Variants in VAMP7 observed in about 807,000 individuals in gnomAD.
The protein encoded by VAMP7 is vesicle-associated membrane protein 7.
Under a neutral mutation model 29.6 loss-of-function variants are expected in VAMP7, and 14 were observed. The ratio of observed to expected loss-of-function variants is 0.47; its 90% CI spans 0.31 to 0.74. The LOEUF (loss-of-function observed/expected upper bound fraction) is 0.74, where lower values mean the gene tolerates loss of function less well. Ranked by LOEUF, VAMP7 falls within the 30% of genes least tolerant of loss-of-function variation. The pLI is 0.05. For missense variants in VAMP7, 223 were observed against 262.4 expected, an observed-to-expected ratio of 0.85 and a Z score of 1.04; for synonymous variants, 95 against 88.1, an observed-to-expected ratio of 1.08 and a Z score of -0.44.
chrX:155,923,361 G>A, intron 6 of VAMP7, among the ~76,000 whole-genome samples: 1 of 150,658 alleles, frequency 6.6e-6, no homozygotes, highest in East Asian at 1.9e-4. Flanking sequence ...TAGTTCAAGT[G>A]TGTAGGTCTA....
chrX:155,885,816 CT>C (rs1401442361), intron 1 of VAMP7, among the ~76,000 whole-genome samples: 2 of 152,152 alleles, frequency 1.3e-5, no homozygotes, highest in Non-Finnish European at 2.9e-5. Flanking sequence ...GAAAGATTCT[CT>C]TCTACAGGTT....
chrX:155,927,899 T>TTTG (rs374422359), intron 6 of VAMP7, among the ~76,000 whole-genome samples: 79 of 151,668 alleles, frequency 5.2e-4, no homozygotes, highest in East Asian at 5.1e-3. Context: ...ACCTTTGGCT[T>TTTG]TTGTTGTTGT....
At chrX:155,913,319 G>A (rs1182737680) in intron 5 of VAMP7, among the ~76,000 whole-genome samples, 1 of 151,992 alleles carries the variant, frequency 6.6e-6, no homozygotes, top group Non-Finnish European at 1.5e-5. Context: ...CCATTCTGTA[G>A]GTTGCCTGTT....
chrX:155,894,152 G>C (rs1407271520), intron 2 of VAMP7, among the ~76,000 whole-genome samples: 1 of 152,020 alleles, frequency 6.6e-6, no homozygotes, highest in Admixed American at 6.6e-5. Flanking sequence ...TATAAATGCT[G>C]CCTCCTATCT....
intron 2 of VAMP7, among the ~76,000 whole-genome samples, chrX:155,889,996 A>G (rs958653003): frequency 6.6e-6 from 1 of 152,098 alleles, no homozygotes; most frequent in African/African-American, 2.4e-5. Flanking sequence ...GGGATATAAC[A>G]AGATATGTGG....
chrX:155,898,925 T>G lies in VAMP7; in HGVS notation c.342+676T>G, dbSNP rs1282610579. Among the ~76,000 whole-genome samples the G allele has an allele frequency of 5.9e-5, 9 of 152,268 alleles. No homozygotes were observed. The South Asian group carries it at 1.0e-3, about 18-fold the overall frequency. On this transcript the variant is annotated intron_variant, in intron 4 of 7. Coordinates refer to ENST00000286448, the MANE Select transcript of VAMP7 (RefSeq NM_005638.6). ...ATGTACTTTTTTGTGTCTTGCTTGT[T>G]TCAGTCAGTGTAAGGCTCTTGATAT...
chrX:155,894,923 C>T (rs185995586), intron 2 of VAMP7, among the ~76,000 whole-genome samples: 31 of 152,206 alleles, frequency 2.0e-4, no homozygotes, highest in African/African-American at 6.5e-4. Context: ...CCTGGCCTTT[C>T]GCTCACTCTT....
chrX:155,936,081 C>CT (rs2066649328), intron 6 of VAMP7, among the ~76,000 whole-genome samples: 1 of 122 alleles, frequency 8.2e-3, no homozygotes, highest in African/African-American at 0.028. Context: ...AGAGGGGTAC[C>CT]CGCCGTGTGA....
chrX:155,942,308 G>C lies in VAMP7; in HGVS notation c.*357G>C. 1 of 776,152 alleles carries C rather than the reference G, an allele frequency of 1.3e-6. No homozygotes were observed. 48.1% of individuals were successfully genotyped at this position (776,152 alleles called of 1,614,324 possible). A position where few individuals can be genotyped will look rare whatever the true frequency, so the allele number is the denominator to read the frequency against. On this transcript the variant is annotated 3_prime_UTR_variant, in exon 8 of 8. Coordinates refer to ENST00000286448, the MANE Select transcript of VAMP7 (RefSeq NM_005638.6). The stretch of plus-strand genomic sequence containing the variant: ...TCTACTAAAACTATGGAGAAACTTT[G>C]TATGTGCACACAAAAGTATTCAAGA...
At chrX:155,928,799 T>A (rs184847886) in intron 6 of VAMP7, among the ~76,000 whole-genome samples, 392 of 152,308 alleles carry the variant, frequency 2.6e-3, no homozygotes, top group Non-Finnish European at 4.0e-3. Flanking sequence ...AACAGATGGT[T>A]TGTCAGTGTT....
chrX:155,903,510 A>G (rs2066099710), intron 5 of VAMP7, among the ~76,000 whole-genome samples: 1 of 152,036 alleles, frequency 6.6e-6, no homozygotes, highest in Admixed American at 6.6e-5. Flanking sequence ...AATTTACAAG[A>G]AAAAAACAAA....
At chrX:155,908,216 G>A (rs1222330563) in intron 5 of VAMP7, among the ~76,000 whole-genome samples, 1 of 152,220 alleles carries the variant, frequency 6.6e-6, no homozygotes, top group East Asian at 1.9e-4. Context: ...GCGGCTGGGA[G>A]GTGGAGGTTG....
At chrX:155,909,440 A>T (rs2066202026) in intron 5 of VAMP7, among the ~76,000 whole-genome samples, 1 of 152,084 alleles carries the variant, frequency 6.6e-6, no homozygotes, top group African/African-American at 2.4e-5. Flanking sequence ...CTGGTTTCAT[A>T]GATTTTTTTT....
rs371362140 is a variant in VAMP7 at position 155,892,817 on chromosome X, A to G, written c.147-2806A>G. Among the ~76,000 whole-genome samples, 355 of 151,902 alleles carry G rather than the reference A, an allele frequency of 2.3e-3. 1 individual carries two copies. Among genetic ancestry groups the G allele is most frequent in the African/African-American group, 8.4e-3 (346 of 41,412 alleles). Reference sequence around the variant, plus strand: ...GCCCAGGCTGGAGTGCAATGGCGCAATCTCAGCTCACCGCAACCTCCACTT... The same window carrying G: ...GCCCAGGCTGGAGTGCAATGGCGCAGTCTCAGCTCACCGCAACCTCCACTT... On this transcript the variant is annotated intron_variant, in intron 2 of 7. Coordinates refer to ENST00000286448, the MANE Select transcript of VAMP7 (RefSeq NM_005638.6).
At chrX:155,922,017 T>G (rs1477021025) in intron 6 of VAMP7, among the ~76,000 whole-genome samples, 3 of 152,112 alleles carry the variant, frequency 2.0e-5, no homozygotes, top group Admixed American at 6.5e-5. Flanking sequence ...GGTGTACAGG[T>G]CTTGCACATA....
rs1436319070 is a variant in VAMP7, at chrX:155,908,468, C to T, written c.433+7881C>T. ...GCAGGAGAATCAGGCAGGGAGGTTG[C>T]AGTGAGCCGAGATAGCAGTAGTACA... On this transcript the variant is annotated intron_variant, in intron 5 of 7. Coordinates refer to ENST00000286448, the MANE Select transcript of VAMP7 (RefSeq NM_005638.6). Among the ~76,000 whole-genome samples, 5 of 152,018 alleles carry T rather than the reference C, an allele frequency of 3.3e-5. No homozygotes were observed. In the East Asian group the frequency reaches 5.8e-4, roughly 18 times the overall value.
At chrX:155,912,398 A>G (rs2066250250) in intron 5 of VAMP7, among the ~76,000 whole-genome samples, 1 of 152,096 alleles carries the variant, frequency 6.6e-6, no homozygotes, top group Non-Finnish European at 1.5e-5. Context: ...TCTGGGATAC[A>G]TGTGCAGAAT....
At chrX:155,889,004 C>G (rs1172520792) in intron 1 of VAMP7, among the ~76,000 whole-genome samples, 1 of 152,046 alleles carries the variant, frequency 6.6e-6, no homozygotes, top group Admixed American at 6.5e-5. Flanking sequence ...TAAATATAGG[C>G]TATTTTTATT....
intron 5 of VAMP7, among the ~76,000 whole-genome samples, chrX:155,906,497 T>A (rs6642252): frequency 0.59 from 90,211 of 151,916 alleles, 26,850 homozygotes; most frequent in East Asian, 0.67. Context: ...TACCATTTTT[T>A]AACCAGTGTC....
Sources: allele counts gnomAD v4.1 joint callset (sites outside exome capture counted in the v4.1 genomes callset), GRCh38; gene constraint gnomAD v4.1.1; transcripts MANE v1.5; gene names NCBI Gene and HGNC (gene_info 2026-07-23, HGNC 2026-07-21).